Variants in PTPRN2 observed in about 807,000 individuals in gnomAD.
The protein encoded by PTPRN2 is receptor-type tyrosine-protein phosphatase N2.
Under a neutral mutation model 118.8 loss-of-function variants are expected in PTPRN2, and 74 were observed. The ratio of observed to expected loss-of-function variants is 0.62; its 90% CI spans 0.52 to 0.76. The LOEUF (loss-of-function observed/expected upper bound fraction) is 0.76, where lower values mean the gene tolerates loss of function less well. Among genes scored for constraint, PTPRN2 ranks in the 30% least tolerant of loss-of-function variants. The pLI is 0.00. For synonymous variants in PTPRN2, 641 were observed against 608.0 expected, an observed-to-expected ratio of 1.05 and a Z score of -0.80; for missense variants, 1,481 against 1,394.4, an observed-to-expected ratio of 1.06 and a Z score of -0.99.
At chr7:158,094,243 C>T (rs2128948788) in intron 10 of PTPRN2, among the ~76,000 whole-genome samples, 1 of 152,322 alleles carries the variant, frequency 6.6e-6, no homozygotes, top group African/African-American at 2.4e-5. Context: ...CCGGATCTCA[C>T]CAGGAGCAGC....
At chr7:158,122,445 C>T (rs1043728573) in intron 9 of PTPRN2, among the ~76,000 whole-genome samples, 5 of 152,164 alleles carry the variant, frequency 3.3e-5, no homozygotes, top group Admixed American at 6.5e-5. Flanking sequence ...CTGGGTCTTC[C>T]GTGTGGCATC....
intron 14 of PTPRN2, among the ~76,000 whole-genome samples, chr7:157,634,599 C>T (rs1014904185): frequency 1.8e-4 from 28 of 152,158 alleles, no homozygotes; most frequent in Admixed American, 1.5e-3. Flanking sequence ...CAATGCATCG[C>T]GACCGGGCAT....
chr7:158,128,984 C>T (rs1351647666), intron 9 of PTPRN2, among the ~76,000 whole-genome samples: 1 of 148,468 alleles, frequency 6.7e-6, no homozygotes, highest in Non-Finnish European at 1.5e-5. Flanking sequence ...CACACCACAC[C>T]TACAACACAC....
chr7:158,451,278 G>A (rs180847038), intron 2 of PTPRN2, among the ~76,000 whole-genome samples: 8 of 152,240 alleles, frequency 5.3e-5, no homozygotes, highest in African/African-American at 1.9e-4. Flanking sequence ...TGAAAATATT[G>A]TCTCCCATTC....
chr7:158,085,862 C>T (rs1249391939), intron 10 of PTPRN2, among the ~76,000 whole-genome samples: 11 of 141,436 alleles, frequency 7.8e-5, no homozygotes, highest in South Asian at 2.4e-4. Flanking sequence ...ACACCCACGA[C>T]GCCCATCCAC....
At chr7:157,936,101 C>T (rs1005297258) in intron 11 of PTPRN2, among the ~76,000 whole-genome samples, 13 of 152,188 alleles carry the variant, frequency 8.5e-5, no homozygotes, top group African/African-American at 2.7e-4. Flanking sequence ...GAAAGTGAAC[C>T]GATCGTAGGT....
chr7:157,820,584 C>A (rs1266797658), intron 12 of PTPRN2, among the ~76,000 whole-genome samples: 2 of 150,948 alleles, frequency 1.3e-5, no homozygotes, highest in Non-Finnish European at 3.0e-5. Flanking sequence ...GCACTCACAG[C>A]AGACTCCCCC....
intron 1 of PTPRN2, among the ~76,000 whole-genome samples, chr7:158,527,170 A>G (rs942166869): frequency 6.6e-6 from 1 of 152,062 alleles, no homozygotes; most frequent in African/African-American, 2.4e-5. Flanking sequence ...CCTCGGAGCA[A>G]ATGCAGCTGT....
intron 11 of PTPRN2, among the ~76,000 whole-genome samples, chr7:157,971,631 G>A (rs1216401784): frequency 6.6e-6 from 1 of 151,870 alleles, no homozygotes; most frequent in Non-Finnish European, 1.5e-5. Context: ...TTACGATTAA[G>A]TGCATTTCTT....
intron 3 of PTPRN2, among the ~76,000 whole-genome samples, chr7:158,311,992 C>G (rs1182377812): frequency 2.0e-5 from 3 of 151,790 alleles, no homozygotes; most frequent in Non-Finnish European, 2.9e-5. Flanking sequence ...GACACCCACA[C>G]ACATGCACAC....
At chr7:158,040,160 C>G (rs1375340418) in intron 11 of PTPRN2, among the ~76,000 whole-genome samples, 1 of 151,566 alleles carries the variant, frequency 6.6e-6, no homozygotes, top group African/African-American at 2.4e-5. Flanking sequence ...AATAGGAATA[C>G]CAGGAAGAGA....
intron 3 of PTPRN2, among the ~76,000 whole-genome samples, chr7:158,277,459 T>A (rs1399429119): frequency 6.6e-6 from 1 of 152,124 alleles, no homozygotes; most frequent in Non-Finnish European, 1.5e-5. Flanking sequence ...GTCTGCCCTA[T>A]AAAGGAGATG....
At chr7:158,333,543 C>A in intron 2 of PTPRN2, among the ~76,000 whole-genome samples, 1 of 151,132 alleles carries the variant, frequency 6.6e-6, no homozygotes, top group African/African-American at 2.5e-5. Context: ...TCGCAGACGT[C>A]ACTCACACCC....
intron 11 of PTPRN2, among the ~76,000 whole-genome samples, chr7:158,060,388 T>C (rs962434623): frequency 1.3e-5 from 2 of 152,260 alleles, no homozygotes; most frequent in African/African-American, 4.8e-5. Context: ...ATCACAGGTC[T>C]CACTGTCTCG....
chr7:158,429,129 G>C (rs1211104994), intron 2 of PTPRN2, among the ~76,000 whole-genome samples: 2 of 152,304 alleles, frequency 1.3e-5, no homozygotes, highest in Middle Eastern at 3.4e-3. Context: ...CATGCTTCCG[G>C]ATCCAACCGA....
intron 12 of PTPRN2, among the ~76,000 whole-genome samples, chr7:157,875,339 G>A (rs183036604): frequency 1.3e-5 from 2 of 152,284 alleles, no homozygotes; most frequent in African/African-American, 4.8e-5. Flanking sequence ...AGCGCGTGAG[G>A]GCTTCCTCCT....
chr7:158,288,164 G>A (rs578111249), intron 3 of PTPRN2, among the ~76,000 whole-genome samples: 13 of 151,942 alleles, frequency 8.6e-5, no homozygotes, highest in African/African-American at 2.2e-4. Flanking sequence ...TCATCCCTTC[G>A]CTTTCAGTCT....
At chr7:157,650,860 C>A (rs542906271) in intron 14 of PTPRN2, among the ~76,000 whole-genome samples, 1 of 152,192 alleles carries the variant, frequency 6.6e-6, no homozygotes, top group Non-Finnish European at 1.5e-5. Flanking sequence ...GGTGACTTAT[C>A]GCTAAGAACT....
intron 9 of PTPRN2, among the ~76,000 whole-genome samples, chr7:158,133,272 C>T (rs1417797066): frequency 1.3e-5 from 2 of 152,218 alleles, no homozygotes; most frequent in African/African-American, 2.4e-5. Flanking sequence ...CCCGCATTCC[C>T]GCGCGGGCCG....
Sources: allele counts gnomAD v4.1 joint callset (sites outside exome capture counted in the v4.1 genomes callset), GRCh38; gene constraint gnomAD v4.1.1; transcripts MANE v1.5; gene names NCBI Gene and HGNC (gene_info 2026-07-23, HGNC 2026-07-21).